Variants in PTPRD observed in about 807,000 individuals in gnomAD.
PTPRD encodes the protein protein tyrosine phosphatase receptor type D.
A neutral mutation model predicts 214.5 loss-of-function variants in PTPRD; 34 were observed. That is an observed-to-expected ratio of 0.16 (90% CI 0.12 to 0.21). The LOEUF is 0.21. PTPRD is among the 10% of genes least tolerant of loss of function. The pLI is 1.00. For synonymous variants in PTPRD, 1,128 were observed against 845.7 expected (o/e 1.33, Z -5.79); for missense variants, 2,545 against 2,398.7 (o/e 1.06, Z -1.27).
chr9:9,150,193 G>A (rs2099875440), intron 10 of PTPRD, among the ~76,000 whole-genome samples: 1 of 151,968 alleles, frequency 6.6e-6, no homozygotes, highest in Admixed American at 6.6e-5. Flanking sequence ...CTTGTTATGT[G>A]CTTTTTACCA....
At chr9:10,228,236 G>A (rs1271299686) in intron 3 of PTPRD, among the ~76,000 whole-genome samples, 1 of 151,914 alleles carries the variant, frequency 6.6e-6, no homozygotes, top group Non-Finnish European at 1.5e-5. Flanking sequence ...ACAAGTAATG[G>A]GCTTATTTCC....
intron 30 of PTPRD, among the ~76,000 whole-genome samples, chr9:8,482,117 C>G (rs963257938): frequency 1.3e-5 from 2 of 152,156 alleles, no homozygotes; most frequent in Non-Finnish European, 2.9e-5. Flanking sequence ...GCCCACACTT[C>G]TAACTAGGTA....
chr9:10,160,375 A>C (rs1246331957), intron 3 of PTPRD, among the ~76,000 whole-genome samples: 2 of 152,082 alleles, frequency 1.3e-5, no homozygotes, highest in African/African-American at 4.8e-5. Flanking sequence ...CATAAAAGAA[A>C]AGCCCAGAAT....
At chr9:9,384,375 T>TTC in intron 9 of PTPRD, among the ~76,000 whole-genome samples, 1 of 92,214 alleles carries the variant, frequency 1.1e-5, no homozygotes, top group Non-Finnish European at 2.2e-5. Context: ...TTTTTTTTTT[T>TTC]TTTTTTTTTC....
intron 12 of PTPRD, among the ~76,000 whole-genome samples, chr9:8,713,109 A>G (rs933388440): frequency 6.6e-6 from 1 of 152,212 alleles, no homozygotes; most frequent in African/African-American, 2.4e-5. Context: ...AGAATCTGAG[A>G]GGATTAAAAA....
chr9:9,754,687 G>T (rs1437477482), intron 6 of PTPRD, among the ~76,000 whole-genome samples: 1 of 151,986 alleles, frequency 6.6e-6, no homozygotes, highest in Non-Finnish European at 1.5e-5. Context: ...ATAATTGGAA[G>T]GTTTGTTTCT....
At chr9:8,640,283 A>T (rs1481824220) in intron 12 of PTPRD, among the ~76,000 whole-genome samples, 1 of 152,144 alleles carries the variant, frequency 6.6e-6, no homozygotes, top group Non-Finnish European at 1.5e-5. Context: ...CAGGAGGCAG[A>T]GGTTGCAGTG....
chr9:9,558,212 G>T (rs1290373740), intron 8 of PTPRD, among the ~76,000 whole-genome samples: 1 of 152,194 alleles, frequency 6.6e-6, no homozygotes, highest in African/African-American at 2.4e-5. Flanking sequence ...AGCCTGTACA[G>T]TGTTAGCAGG....
chr9:8,714,186 T>C (rs1307394444), intron 12 of PTPRD, among the ~76,000 whole-genome samples: 1 of 152,198 alleles, frequency 6.6e-6, no homozygotes, highest in Non-Finnish European at 1.5e-5. Flanking sequence ...AGGAGAAAAT[T>C]TTTGTGTCTC....
intron 8 of PTPRD, among the ~76,000 whole-genome samples, chr9:9,535,175 T>C (rs575264220): frequency 2.6e-5 from 4 of 152,248 alleles, no homozygotes; most frequent in African/African-American, 7.2e-5. Flanking sequence ...TAATTTACTC[T>C]GTGGATTTGT....
chr9:9,026,711 TTTACA>T (rs2099588451), intron 10 of PTPRD, among the ~76,000 whole-genome samples: 2 of 151,948 alleles, frequency 1.3e-5, no homozygotes, highest in African/African-American at 4.8e-5. Context: ...TGAAGAAGCA[TTTACA>T]AGATTCAGTA....
chr9:10,004,135 A>G (rs2154097309), intron 4 of PTPRD, among the ~76,000 whole-genome samples: 1 of 152,048 alleles, frequency 6.6e-6, no homozygotes, highest in South Asian at 2.1e-4. Flanking sequence ...AGAAATATAT[A>G]GCCCCTGACA....
intron 5 of PTPRD, among the ~76,000 whole-genome samples, chr9:9,864,744 G>A (rs780487034): frequency 6.6e-6 from 1 of 151,972 alleles, no homozygotes; most frequent in Non-Finnish European, 1.5e-5. Flanking sequence ...GAACTGCTGG[G>A]CTCAAGCAAT....
At chr9:10,486,225 G>A (rs986768047) in intron 2 of PTPRD, among the ~76,000 whole-genome samples, 1 of 152,044 alleles carries the variant, frequency 6.6e-6, no homozygotes, top group Non-Finnish European at 1.5e-5. Flanking sequence ...TGTTCCAATT[G>A]TTTCTGGGAT....
chr9:8,929,929 G>GTGCA (rs2098939670), intron 11 of PTPRD, among the ~76,000 whole-genome samples: 1 of 131,996 alleles, frequency 7.6e-6, no homozygotes. Context: ...ATATATATAT[G>GTGCA]TGTATATATA....
chr9:8,545,088 G>A (rs966300805), intron 14 of PTPRD, among the ~76,000 whole-genome samples: 18 of 151,924 alleles, frequency 1.2e-4, no homozygotes, highest in East Asian at 3.9e-4. Context: ...GTTTTTAAAT[G>A]TTTATCTTGG....
Position 9,005,733 on chromosome 9 carries a change from C to A in PTPRD, c.-104+12964G>T, listed in dbSNP as rs184686292. Among the ~76,000 whole-genome samples, 17 of 152,084 alleles carry A rather than the reference C, an allele frequency of 1.1e-4. No homozygotes were observed. The South Asian group carries it at 1.9e-3, about 17-fold the overall frequency. The stretch of plus-strand genomic sequence containing the variant: ...TTTTAGCAAGCTTCACTGGCTATAA[C>A]CATGACTTTCTTAAATGAGAGATCC... On this transcript the variant is annotated intron_variant, in intron 11 of 45. Transcript: ENST00000381196.
intron 7 of PTPRD, among the ~76,000 whole-genome samples, chr9:9,664,321 C>A (rs376834149): frequency 1.3e-5 from 2 of 151,404 alleles, no homozygotes; most frequent in Admixed American, 1.3e-4. Context: ...AAGAAGAAAG[C>A]TTTTCTAACG....
intron 11 of PTPRD, among the ~76,000 whole-genome samples, chr9:8,761,314 G>T (rs1038979005): frequency 5.3e-5 from 8 of 151,968 alleles, no homozygotes; most frequent in Non-Finnish European, 8.8e-5. Flanking sequence ...GAAGAAAAAA[G>T]GTGGTTAAAT....
Sources: gnomAD v4.1 joint callset for allele counts (sites outside exome capture counted in the v4.1 genomes callset) on GRCh38, gnomAD v4.1.1 for gene constraint, MANE v1.5 for transcripts, NCBI Gene and HGNC (gene_info 2026-07-23, HGNC 2026-07-21) for gene names.